The following GALNTL6 variants were observed in gnomAD, a reference collection of about 807,000 sequenced individuals.
GALNTL6 encodes the protein polypeptide N-acetylgalactosaminyltransferase-like 6.
GALNTL6 carries 46 observed loss-of-function variants against 73.7 expected under a neutral mutation model. That is an observed-to-expected ratio of 0.62 (90% CI 0.49 to 0.80). GALNTL6 has a LOEUF of 0.80. Ranked by LOEUF, GALNTL6 falls within the 30% of genes least tolerant of loss-of-function variation. The pLI is 0.00. For synonymous variants in GALNTL6, 259 were observed against 263.7 expected (o/e 0.98, Z 0.17); for missense variants, 604 against 755.0 (o/e 0.80, Z 2.34).
At chr4:172,960,298 C>T (rs1749977665) in intron 10 of GALNTL6, among the ~76,000 whole-genome samples, 1 of 152,214 alleles carries the variant, frequency 6.6e-6, no homozygotes, top group Non-Finnish European at 1.5e-5. Context: ...ATGCCTTTAG[C>T]TCCAGCCACC....
chr4:172,831,155 CTCAAAAA>C (rs1177447131), intron 7 of GALNTL6, among the ~76,000 whole-genome samples: 3 of 36,762 alleles, frequency 8.2e-5, no homozygotes, highest in Non-Finnish European at 1.6e-4. Flanking sequence ...GAGACTCCCT[CTCAAAAA>C]AAAAAAAAAA....
At chr4:172,077,733 G>A (rs1301233438) in intron 2 of GALNTL6, among the ~76,000 whole-genome samples, 1 of 152,178 alleles carries the variant, frequency 6.6e-6, no homozygotes, top group Non-Finnish European at 1.5e-5. Context: ...AGAAATTCAA[G>A]TCTGCTGTAG....
chr4:172,790,630 G>T (rs865970785), intron 5 of GALNTL6, among the ~76,000 whole-genome samples: 1 of 151,972 alleles, frequency 6.6e-6, no homozygotes, highest in Non-Finnish European at 1.5e-5. Flanking sequence ...CAGTTCTCAC[G>T]CCTGTAGTCC....
At chr4:171,973,230 T>C (rs759950891) in intron 2 of GALNTL6, among the ~76,000 whole-genome samples, 1 of 152,174 alleles carries the variant, frequency 6.6e-6, no homozygotes, top group South Asian at 2.1e-4. Context: ...TTTTATGATA[T>C]GTCTTCTTTT....
chr4:172,066,650 C>A (rs1566947), intron 2 of GALNTL6, among the ~76,000 whole-genome samples: 3 of 151,600 alleles, frequency 2.0e-5, no homozygotes, highest in African/African-American at 4.8e-5. Context: ...CAAGATTTCC[C>A]TGTAGAATGG....
intron 5 of GALNTL6, among the ~76,000 whole-genome samples, chr4:172,433,032 A>G (rs1321197588): frequency 6.6e-6 from 1 of 152,186 alleles, no homozygotes; most frequent in Non-Finnish European, 1.5e-5. Context: ...AATAATTACA[A>G]AAGAGCAAAT....
chr4:172,606,663 CTATAT>C (rs1185843006), intron 5 of GALNTL6, among the ~76,000 whole-genome samples: 24 of 38,534 alleles, frequency 6.2e-4, no homozygotes, highest in Admixed American at 4.4e-3. Context: ...TATATATATA[CTATAT>C]ATATATACTA....
chr4:171,971,111 T>C (rs1229941891), intron 2 of GALNTL6, among the ~76,000 whole-genome samples: 1 of 152,234 alleles, frequency 6.6e-6, no homozygotes, highest in Non-Finnish European at 1.5e-5. Context: ...AATAGGCTTC[T>C]GATTTATCAG....
intron 2 of GALNTL6, among the ~76,000 whole-genome samples, chr4:172,137,031 T>G (rs896527210): frequency 3.3e-5 from 5 of 152,124 alleles, no homozygotes; most frequent in Non-Finnish European, 7.4e-5. Flanking sequence ...ACACAAAATT[T>G]TATTATGAAT....
At chr4:171,912,775 C>T (rs541551180) in intron 2 of GALNTL6, among the ~76,000 whole-genome samples, 22 of 152,218 alleles carry the variant, frequency 1.4e-4, no homozygotes, top group African/African-American at 5.3e-4. Flanking sequence ...TTTCAGTTTC[C>T]ACCTCTGAGT....
At chr4:172,973,102 T>A (rs758095712) in intron 10 of GALNTL6, among the ~76,000 whole-genome samples, 31 of 152,182 alleles carry the variant, frequency 2.0e-4, no homozygotes, top group Non-Finnish European at 4.4e-5. Flanking sequence ...ATTTTCTAAA[T>A]CAACATTTTG....
intron 3 of GALNTL6, among the ~76,000 whole-genome samples, chr4:172,244,607 T>G: frequency 6.6e-6 from 1 of 152,126 alleles, no homozygotes; most frequent in East Asian, 1.9e-4. Flanking sequence ...GGCTTTAGTG[T>G]TTGTCTTGCA....
At chr4:172,160,816 G>A (rs1734436650) in intron 2 of GALNTL6, among the ~76,000 whole-genome samples, 1 of 151,416 alleles carries the variant, frequency 6.6e-6, no homozygotes, top group African/African-American at 2.4e-5. Context: ...GAAACAGAGG[G>A]CACATAGGCT....
At chr4:172,214,468 ATTAAT>A (rs920727321) in intron 2 of GALNTL6, among the ~76,000 whole-genome samples, 1 of 150,438 alleles carries the variant, frequency 6.6e-6, no homozygotes, top group African/African-American at 2.4e-5. Context: ...ATTTCATTAC[ATTAAT>A]TTATTTTCAA....
chr4:172,984,883 A>G (rs1751225359), intron 10 of GALNTL6, among the ~76,000 whole-genome samples: 1 of 152,240 alleles, frequency 6.6e-6, no homozygotes, highest in African/African-American at 2.4e-5. Context: ...ATAATAATGA[A>G]CATTTTTTAT....
chr4:172,893,354 G>A (rs866202954), intron 8 of GALNTL6, among the ~76,000 whole-genome samples: 2 of 151,640 alleles, frequency 1.3e-5, no homozygotes, highest in Non-Finnish European at 2.9e-5. Context: ...GCGGGGGGGG[G>A]GTCTTCCCCT....
chr4:171,842,602 G>A (rs907379546), intron 2 of GALNTL6, among the ~76,000 whole-genome samples: 2 of 152,198 alleles, frequency 1.3e-5, no homozygotes, highest in Admixed American at 1.3e-4. Context: ...AGAGAATAGA[G>A]AATCGACATG....
chr4:173,022,090 AGAAGGAAGGAAGGAAGGAAAGAAG>A (rs1579793620), intron 12 of GALNTL6, among the ~76,000 whole-genome samples: 1 of 66,204 alleles, frequency 1.5e-5, no homozygotes, highest in Non-Finnish European at 3.0e-5. Context: ...AAGGAAGGAA[AGAAGGAAGGAAGGAAGGAAAGAAG>A]GAAGGAAGGA....
intron 2 of GALNTL6, among the ~76,000 whole-genome samples, chr4:171,927,287 C>T (rs776054289): frequency 2.0e-5 from 3 of 151,950 alleles, no homozygotes; most frequent in Non-Finnish European, 4.4e-5. Context: ...TGGTGCTTTA[C>T]TTTTCTTTTT....
Sources: gnomAD v4.1 joint callset for allele counts (sites outside exome capture counted in the v4.1 genomes callset) on GRCh38, gnomAD v4.1.1 for gene constraint, MANE v1.5 for transcripts, NCBI Gene and HGNC (gene_info 2026-07-23, HGNC 2026-07-21) for gene names.